Variants in RNMT observed in about 807,000 individuals in gnomAD.
The protein encoded by RNMT is mRNA cap guanine-N(7) methyltransferase.
A neutral mutation model predicts 56.0 loss-of-function variants in RNMT; 27 were observed. The ratio of observed to expected loss-of-function variants is 0.48; its 90% CI spans 0.36 to 0.67. RNMT has a LOEUF of 0.67. Among genes scored for constraint, RNMT ranks in the 30% least tolerant of loss-of-function variants. RNMT has a pLI of 0.00. For missense variants in RNMT, 519 were observed against 552.1 expected (o/e 0.94, Z 0.60); for synonymous variants, 184 against 176.2 (o/e 1.04, Z -0.35).
chr18:13,737,100 G>A lies in RNMT; in HGVS notation c.644G>A (p.Trp215Ter). Residue 215 changes from tryptophan to a stop codon, truncating the protein, a stop_gained, in exon 5 of 12, where the codon TGG becomes TAG. Coordinates refer to ENST00000383314, the MANE Select transcript of RNMT (RefSeq NM_003799.3). LOFTEE classifies it high-confidence loss of function. ...GGTAAAGGTGGAGATTTGCTGAAAT[G>A]GAAAAAAGGAAGAATTAACAAGCTA... ...GCGKGGDLLK[W>*]KKGRINKLVC... 6.2e-7 allele frequency: 1 copy of A among 1,610,570 alleles called. No individual in the cohort carries two copies. Among genetic ancestry groups the A allele is most frequent in the Non-Finnish European group, 8.5e-7 (1 of 1,177,700 alleles).
At chr18:13,728,939 C>T (rs563649882) in intron 1 of RNMT, among the ~76,000 whole-genome samples, 2 of 152,248 alleles carry the variant, frequency 1.3e-5, no homozygotes, top group African/African-American at 4.8e-5. Flanking sequence ...TATCTCTTCA[C>T]TCTTGTTTCC....
intron 3 of RNMT, among the ~76,000 whole-genome samples, chr18:13,732,741 CCTT>C (rs1437729293): frequency 4.0e-4 from 11 of 27,704 alleles, no homozygotes; most frequent in Middle Eastern, 0.014. Context: ...GGGAGCCCCC[CCTT>C]TTTTTTTTTT....
Position 13,760,046 on chromosome 18 carries a change from T to C in RNMT, c.*67T>C, listed in dbSNP as rs2044600571. 1 of 1,573,328 alleles carries C rather than the reference T, an allele frequency of 6.4e-7. No individual in the cohort carries two copies. The highest frequency in any genetic ancestry group is 1.8e-5 in the Admixed American group (1 of 55,014). ...CACAAATTTGAACAACTCATCTCGATATATTTGATATTTCTCTGTCTGTTG... is the reference window on the plus strand; with the variant it reads ...CACAAATTTGAACAACTCATCTCGACATATTTGATATTTCTCTGTCTGTTG... On this transcript the variant is annotated 3_prime_UTR_variant, in exon 12 of 12. Coordinates refer to ENST00000383314, the MANE Select transcript of RNMT (RefSeq NM_003799.3).
chr18:13,728,887 C>G (rs1051133645), intron 1 of RNMT, among the ~76,000 whole-genome samples: 4 of 152,084 alleles, frequency 2.6e-5, no homozygotes, highest in African/African-American at 9.7e-5. Context: ...TGAATCCCGT[C>G]AGATGAATGG....
Position 13,734,477 on chromosome 18 carries a change from G to T in RNMT, c.431G>T (p.Gly144Val), listed in dbSNP as rs763861467. The change falls in exon 4 of 12, where the codon GGA (glycine) becomes GTA (valine). Residue 144 changes from glycine to valine, a missense_variant. Physicochemically the swap from Gly to Val is moderately radical, Grantham distance 109. Coordinates refer to ENST00000383314, the MANE Select transcript of RNMT (RefSeq NM_003799.3). The stretch of plus-strand genomic sequence containing the variant: ...TTTTATTTTCAGAATCTGGAAGAAG[G>T]ACACAGCTCAACAGTGGCTGCCCAT... ...VPEKQKNLEEGHSSTVAAHYN... is the reference protein window; with the variant it reads ...VPEKQKNLEEVHSSTVAAHYN... 1.2e-6 allele frequency: 2 copies of T among 1,608,352 alleles called. No homozygotes were observed. Among genetic ancestry groups the T allele is most frequent in the Non-Finnish European group, 1.7e-6 (2 of 1,178,164 alleles).
chr18:13,755,292 C>G (rs1397431468), intron 11 of RNMT, among the ~76,000 whole-genome samples: 1 of 152,198 alleles, frequency 6.6e-6, no homozygotes, highest in Non-Finnish European at 1.5e-5. Flanking sequence ...GAAAACTAAA[C>G]TAATGACATC....
At chr18:13,751,780 A>G (rs544460520) in intron 9 of RNMT, among the ~76,000 whole-genome samples, 4 of 152,344 alleles carry the variant, frequency 2.6e-5, no homozygotes, top group African/African-American at 4.8e-5. Context: ...ATGGAATACT[A>G]TGCAGCCATA....
intron 8 of RNMT, among the ~76,000 whole-genome samples, chr18:13,745,902 C>G (rs1383776711): frequency 6.6e-6 from 1 of 152,148 alleles, no homozygotes; most frequent in Non-Finnish European, 1.5e-5. Flanking sequence ...TGTGAGAGAT[C>G]AAGTAAAGTG....
chr18:13,759,282 A>G (rs1228712558), intron 11 of RNMT, among the ~76,000 whole-genome samples: 3 of 152,226 alleles, frequency 2.0e-5, no homozygotes, highest in Non-Finnish European at 2.9e-5. Context: ...AAAGCTAGGT[A>G]TGCCTTTAAT....
chr18:13,762,223 G>A lies in RNMT; in HGVS notation c.*2244G>A. 8.3e-6 allele frequency: 12 copies of A among 1,442,042 alleles called. No homozygotes were observed. In the South Asian group the frequency reaches 1.4e-4, roughly 17 times the overall value. 89.3% of individuals were successfully genotyped at this position (1,442,042 alleles called of 1,614,324 possible). A position where few individuals can be genotyped will look rare whatever the true frequency, so the allele number is the denominator to read the frequency against. On this transcript the variant is annotated 3_prime_UTR_variant, in exon 12 of 12. Transcript: ENST00000383314. ...TGGGAATGACGGAACTGGGGATTGCGATGATTGATCTGGGAACATGGCTGG... is the reference window on the plus strand; with the variant it reads ...TGGGAATGACGGAACTGGGGATTGCAATGATTGATCTGGGAACATGGCTGG...
Position 13,760,897 on chromosome 18 carries a change from G to A in RNMT, c.*918G>A, listed in dbSNP as rs1293726002. 5.1e-6 allele frequency: 5 copies of A among 985,254 alleles called. No individual in the cohort carries two copies. The African/African-American group carries it at 8.7e-5, about 17-fold the overall frequency. The allele number at this position is 985,254 out of a possible 1,614,324, so 61.0% of individuals were successfully genotyped here. A position where few individuals can be genotyped will look rare whatever the true frequency, so the allele number is the denominator to read the frequency against. ...ACAACCTCAGCACTTTGCACCGTAG[G>A]AGCCATTGTTAAAGTTGTCACTTGT... is the stretch of plus-strand genomic sequence containing the variant. On this transcript the variant is annotated 3_prime_UTR_variant, in exon 12 of 12. Transcript: ENST00000383314.
chr18:13,752,170 A>G, intron 9 of RNMT, 156 bp from the exon 10 acceptor site: 1 of 574,550 alleles, frequency 1.7e-6, no homozygotes, highest in Non-Finnish European at 3.1e-6. Flanking sequence ...CTTTTTTTTA[A>G]TTTTTTTCTG....
At position 13,761,301 on chromosome 18, in the gene RNMT, A is replaced by C; in HGVS notation, c.*1322A>C. 2 of 985,434 alleles carry C rather than the reference A, an allele frequency of 2.0e-6. No homozygotes were observed. The highest frequency in any genetic ancestry group is 2.4e-6 in the Non-Finnish European group (2 of 829,944). 61.0% of individuals were successfully genotyped at this position (985,434 alleles called of 1,614,324 possible). ...GTCTTTTTGCCTTAAGTCATTTTGG[A>C]AATAAGTAATACTGCATCTGACTCT... On this transcript the variant is annotated 3_prime_UTR_variant, in exon 12 of 12. Coordinates refer to ENST00000383314, the MANE Select transcript of RNMT (RefSeq NM_003799.3).
chr18:13,739,817 T>C (rs1382236859), intron 5 of RNMT, among the ~76,000 whole-genome samples: 1 of 152,144 alleles, frequency 6.6e-6, no homozygotes, highest in Admixed American at 6.5e-5. Context: ...GCTAATAACA[T>C]TTTATTATAA....
intron 11 of RNMT, among the ~76,000 whole-genome samples, chr18:13,758,778 AGCTTTTTACATGCC>A (rs2044582543): frequency 1.3e-5 from 2 of 152,126 alleles, no homozygotes; most frequent in Admixed American, 6.6e-5. Context: ...TGCCTATTTT[AGCTTTTTACATGCC>A]TTGTTCACTA....
chr18:13,748,071 T>TG (rs1292586307), intron 9 of RNMT, among the ~76,000 whole-genome samples: 2 of 152,212 alleles, frequency 1.3e-5, no homozygotes. Flanking sequence ...CAGTGAATAA[T>TG]GCAGTCCATG....
chr18:13,751,317 A>G (rs985458120), intron 9 of RNMT, among the ~76,000 whole-genome samples: 2 of 152,280 alleles, frequency 1.3e-5, no homozygotes, highest in African/African-American at 4.8e-5. Context: ...GGATATGAAC[A>G]GACACTTCTC....
intron 5 of RNMT, among the ~76,000 whole-genome samples, chr18:13,737,478 G>A (rs562426292): frequency 8.5e-5 from 13 of 152,048 alleles, no homozygotes; most frequent in Non-Finnish European, 1.6e-4. Context: ...GGGAGGTGAA[G>A]GTTATAGTAA....
Position 13,740,281 on chromosome 18 carries a change from T to TA in RNMT, c.792+3dup. The TA allele has an allele frequency of 7.1e-7, 1 of 1,406,182 alleles. No homozygotes were observed. The allele number at this position is 1,406,182 out of a possible 1,614,324, so 87.1% of individuals were successfully genotyped here. The stretch of plus-strand genomic sequence containing the variant: ...TTTATAACTGCTGACAGCTCAAAGG[T>TA]ACAGTTTCTTTCTTTGGTCAATTTA... On this transcript the variant is annotated splice_region_variant and intron_variant, in intron 6 of 11. Transcript: ENST00000383314.
Sources: gnomAD v4.1 joint callset for allele counts (sites outside exome capture counted in the v4.1 genomes callset) on GRCh38, gnomAD v4.1.1 for gene constraint, MANE v1.5 for transcripts, NCBI Gene and HGNC (gene_info 2026-07-23, HGNC 2026-07-21) for gene names.